LNPEP: variants seen among roughly 807,000 people sequenced by gnomAD.
The protein encoded by LNPEP is leucyl-cystinyl aminopeptidase.
A neutral mutation model predicts 120.6 loss-of-function variants in LNPEP; 64 were observed. The ratio of observed to expected loss-of-function variants is 0.53; its 90% CI spans 0.43 to 0.65. The LOEUF (loss-of-function observed/expected upper bound fraction) is 0.65. LNPEP is among the 30% of genes least tolerant of loss of function. LNPEP has a pLI of 0.00. For missense variants in LNPEP, 1,057 were observed against 1,200.0 expected (o/e 0.88, Z 1.76); for synonymous variants, 435 against 425.4 (o/e 1.02, Z -0.28).
At chr5:96,988,434 G>A (rs373588911) in intron 4 of LNPEP, among the ~76,000 whole-genome samples, 1 of 148,448 alleles carries the variant, frequency 6.7e-6, no homozygotes, top group Non-Finnish European at 1.5e-5. Flanking sequence ...TGCCTCCCGG[G>A]TTCAAGCAAT....
intron 1 of LNPEP, among the ~76,000 whole-genome samples, chr5:96,971,345 TTGTGTG>T (rs3076561): frequency 0.037 from 5,342 of 142,906 alleles, 159 homozygotes; most frequent in Middle Eastern, 0.1. Flanking sequence ...ACATTATTAT[TTGTGTG>T]TGTGTGTGTG....
At chr5:96,994,295 A>G (rs746487531) in intron 6 of LNPEP, among the ~76,000 whole-genome samples, 14 of 152,172 alleles carry the variant, frequency 9.2e-5, no homozygotes, top group Non-Finnish European at 1.8e-4. Flanking sequence ...AAGTGGCAGC[A>G]CTGGGCCATG....
In LNPEP at chr5:96,977,866, T is replaced by G. The variant is rs541217028; in HGVS notation, c.20-1272T>G. Among the ~76,000 whole-genome samples the G allele has an allele frequency of 7.2e-5, 11 of 152,310 alleles. No individual in the cohort carries two copies. In the South Asian group the frequency reaches 2.3e-3, roughly 32 times the overall value. ...TTCAGGGCTCTCATCTTTTATTGAA[T>G]TAGTTTGAGTAGAGGGATGCAATAT... On this transcript the variant is annotated intron_variant, in intron 1 of 17. Transcript: ENST00000231368.
chr5:97,012,064 T>C (rs1284620816), intron 11 of LNPEP, among the ~76,000 whole-genome samples: 2 of 152,060 alleles, frequency 1.3e-5, no homozygotes, highest in African/African-American at 4.8e-5. Flanking sequence ...GCATTTTATA[T>C]AAAAAACCTT....
chr5:96,937,437 T>C (rs976831956), intron 1 of LNPEP: 1 of 152,262 alleles, frequency 6.6e-6, no homozygotes, highest in Non-Finnish European at 1.5e-5. Context: ...ATTCAGGTTC[T>C]ATTTGTAATT....
chr5:97,010,902 G>T, intron 11 of LNPEP: 2 of 985,372 alleles, frequency 2.0e-6, no homozygotes, highest in South Asian at 9.4e-5. Flanking sequence ...CAGAAGAACT[G>T]AAAGAGACTA....
chr5:97,010,435 T>TTAA (rs1262461241), intron 11 of LNPEP: 2 of 984,976 alleles, frequency 2.0e-6, no homozygotes, highest in Non-Finnish European at 1.2e-6. Flanking sequence ...TGCCTTTTTT[T>TTAA]CCCCTAATAA....
intron 1 of LNPEP, among the ~76,000 whole-genome samples, chr5:96,959,933 C>CTTTTTTTTTTTTTT (rs11316262): frequency 8.8e-6 from 1 of 113,202 alleles, no homozygotes; most frequent in Admixed American, 9.5e-5. Flanking sequence ...TAAAATTTAT[C>CTTTTTTTTTTTTTT]TTTTTTTTTT....
At chr5:97,010,611 C>G in intron 11 of LNPEP, 1 of 984,968 alleles carries the variant, frequency 1.0e-6, no homozygotes, top group Non-Finnish European at 1.2e-6. Flanking sequence ...TTTTGTAAAA[C>G]AGTAGTTGAT....
intron 6 of LNPEP, 33 bp from the exon 7 acceptor site, chr5:96,996,357 A>G: frequency 8.4e-7 from 1 of 1,196,912 alleles, no homozygotes; most frequent in Non-Finnish European, 1.2e-6. Flanking sequence ...GGCTGTAAAT[A>G]TCCTGTGGGT....
At chr5:96,942,010 C>T (rs950643375) in intron 1 of LNPEP, among the ~76,000 whole-genome samples, 1 of 152,024 alleles carries the variant, frequency 6.6e-6, no homozygotes, top group African/African-American at 2.4e-5. Context: ...TGGAAGGGGA[C>T]AGGTAGGTAG....
intron 13 of LNPEP, among the ~76,000 whole-genome samples, chr5:97,021,839 C>T (rs1791203757): frequency 6.9e-6 from 1 of 144,184 alleles, no homozygotes; most frequent in Admixed American, 7.2e-5. Context: ...TGAGTAATAT[C>T]TATGCCTTTT....
At chr5:96,993,330 A>C (rs1172204262) in intron 5 of LNPEP, among the ~76,000 whole-genome samples, 195 bp downstream of exon 5, 1 of 152,218 alleles carries the variant, frequency 6.6e-6, no homozygotes, top group Non-Finnish European at 1.5e-5. Context: ...AGCTTAAAAC[A>C]CTTAAGTTTA....
chr5:96,952,433 C>T (rs1789345976), intron 1 of LNPEP, among the ~76,000 whole-genome samples: 1 of 152,174 alleles, frequency 6.6e-6, no homozygotes, highest in Non-Finnish European at 1.5e-5. Flanking sequence ...ACCCATATCA[C>T]ATCTTGAGAA....
intron 1 of LNPEP, among the ~76,000 whole-genome samples, chr5:96,966,508 TTGTGTGTGTGTGTGTGTGTGTGTG>T (rs375861296): frequency 2.2e-5 from 3 of 133,368 alleles, no homozygotes; most frequent in Non-Finnish European, 4.8e-5. Context: ...TTACATATAT[TTGTGTGTGTGTGTGTGTGTGTGTG>T]TGTGTGTGTG....
In LNPEP at chr5:97,003,504, T is replaced by A. The variant is rs747620719; in HGVS notation, c.1743T>A (p.Tyr581Ter). Residue 581 changes from tyrosine (Y) to a stop codon, truncating the protein, a stop_gained, in exon 9 of 18, where the codon TAT becomes TAA. Transcript: ENST00000231368. LOFTEE classifies it high-confidence loss of function. The part of the protein sequence containing the change: ...AVVLYLHNHS[Y>*]ASIQSDDLWD... ...TCCTTTACCTGCATAATCACAGCTATGCATCTATTCAAAGTGATGATCTGT... is the reference window on the plus strand; with the variant it reads ...TCCTTTACCTGCATAATCACAGCTAAGCATCTATTCAAAGTGATGATCTGT... 2.5e-6 allele frequency: 4 copies of A among 1,608,746 alleles called. No individual in the cohort carries two copies. The African/African-American group carries it at 5.3e-5, about 22-fold the overall frequency.
chr5:96,954,076 G>A (rs1290297420), intron 1 of LNPEP, among the ~76,000 whole-genome samples: 1 of 152,154 alleles, frequency 6.6e-6, no homozygotes, highest in Non-Finnish European at 1.5e-5. Context: ...GTTCTCTGTA[G>A]ACATTAGTAT....
chr5:96,954,018 T>C (rs1789383212), intron 1 of LNPEP, among the ~76,000 whole-genome samples: 1 of 152,216 alleles, frequency 6.6e-6, no homozygotes, highest in African/African-American at 2.4e-5. Context: ...GTTGCTAGTG[T>C]ATACTCTGTA....
chr5:96,994,593 A>T (rs1790463855), intron 6 of LNPEP, among the ~76,000 whole-genome samples: 1 of 152,112 alleles, frequency 6.6e-6, no homozygotes, highest in Non-Finnish European at 1.5e-5. Context: ...TTATATGGGT[A>T]CATAACACCC....
Sources: allele counts gnomAD v4.1 joint callset (sites outside exome capture counted in the v4.1 genomes callset), GRCh38; gene constraint gnomAD v4.1.1; transcripts MANE v1.5; gene names NCBI Gene and HGNC (gene_info 2026-07-23, HGNC 2026-07-21).